Variants in PRRG1 observed in about 807,000 individuals in gnomAD.
PRRG1 encodes proline rich and Gla domain 1, also known as transmembrane gamma-carboxyglutamic acid protein 1.
Under a neutral mutation model 11.8 loss-of-function variants are expected in PRRG1, and 5 were observed. The observed-to-expected ratio is 0.42, with a 90% CI of 0.22 to 0.89. The LOEUF is 0.89. PRRG1 is among the 40% of genes least tolerant of loss of function. The pLI, the probability that PRRG1 is intolerant of heterozygous loss-of-function variation, is 0.28. For synonymous variants in PRRG1, 66 were observed against 60.4 expected (o/e 1.09, Z -0.43); for missense variants, 155 against 166.1 (o/e 0.93, Z 0.37).
chrX:37,367,331 A>G (rs1318048933), intron 1 of PRRG1, among the ~76,000 whole-genome samples: 1 of 112,153 alleles, frequency 8.9e-6, no homozygotes, highest in Non-Finnish European at 1.9e-5. Flanking sequence ...TTTAGTTCAA[A>G]ATTTTGTCTA....
At chrX:37,416,992 ATAGT>A (rs782784949) in intron 2 of PRRG1, among the ~76,000 whole-genome samples, 1 of 111,515 alleles carries the variant, frequency 9.0e-6, no homozygotes, top group Admixed American at 9.5e-5. Flanking sequence ...CCATATTGAG[ATAGT>A]TAGTGTCACT....
At chrX:37,398,595 C>T (rs987483294) in intron 1 of PRRG1, among the ~76,000 whole-genome samples, 1 of 112,550 alleles carries the variant, frequency 8.9e-6, no homozygotes, top group Non-Finnish European at 1.9e-5. Flanking sequence ...CAAAGGAACG[C>T]AGTTCCTCAC....
chrX:37,452,650 CAG>C (rs1446098424), intron 3 of PRRG1, among the ~76,000 whole-genome samples: 18 of 111,776 alleles, frequency 1.6e-4, no homozygotes, highest in Middle Eastern at 9.2e-3. Flanking sequence ...GAACCCCAAA[CAG>C]AACCATTAGA....
In PRRG1 at chrX:37,453,891, G is replaced by GC; in HGVS notation, c.*270_*271insC. On this transcript the variant is annotated 3_prime_UTR_variant, in exon 4 of 4. Transcript: ENST00000378628. Reference sequence around the variant, plus strand: ...GAGACATACATGTAAGTGTATATATGTGTGTATAGGCATATATACGTGTGT... The same window carrying GC: ...GAGACATACATGTAAGTGTATATATGCTGTGTATAGGCATATATACGTGTGT... 1 of 256,760 alleles carries GC rather than the reference G, an allele frequency of 3.9e-6. No individual in the cohort carries two copies. Among genetic ancestry groups the GC allele is most frequent in the Non-Finnish European group, 6.8e-6 (1 of 146,191 alleles). 21.2% of individuals were successfully genotyped at this position (256,760 alleles called of 1,213,427 possible). A position where few individuals can be genotyped will look rare whatever the true frequency, so the allele number is the denominator to read the frequency against.
intron 3 of PRRG1, chrX:37,441,684 C>A: frequency 1.3e-6 from 1 of 799,376 alleles, no homozygotes. Context: ...ACTTTAGCCG[C>A]TACTTCCTGC....
In PRRG1 at chrX:37,453,365, C is replaced by G. The variant is rs782391292; in HGVS notation, c.401C>G (p.Pro134Arg). 1.7e-5 allele frequency: 21 copies of G among 1,206,725 alleles called. No homozygotes were observed. Among genetic ancestry groups the G allele is most frequent in the Non-Finnish European group, 2.1e-5 (19 of 893,938 alleles). ...QHLNIITPPP[P>R]PDEVFDSSGL... ...CTTAATATTATCACCCCACCCCCCC[C>G]ACCAGATGAAGTGTTTGACAGCAGT... The change falls in exon 4 of 4, where the codon CCA becomes CGA. Residue 134 changes from proline to arginine, a missense_variant. Physicochemically the swap from Pro to Arg is moderately radical, Grantham distance 103. Coordinates refer to ENST00000378628, the MANE Select transcript of PRRG1 (RefSeq NM_001142395.2).
chrX:37,388,173 C>T (rs1175724703), intron 1 of PRRG1, among the ~76,000 whole-genome samples: 2 of 112,146 alleles, frequency 1.8e-5, no homozygotes, highest in Non-Finnish European at 3.8e-5. Context: ...GGTTCAGCAC[C>T]CTTGGCTGCT....
intron 2 of PRRG1, among the ~76,000 whole-genome samples, chrX:37,411,346 T>C (rs1932346568): frequency 9.0e-6 from 1 of 111,514 alleles, no homozygotes; most frequent in African/African-American, 3.3e-5. Flanking sequence ...CAGATGACTG[T>C]TCTAGGATAT....
intron 1 of PRRG1, among the ~76,000 whole-genome samples, chrX:37,383,044 T>C (rs782253541): frequency 8.9e-6 from 1 of 111,834 alleles, no homozygotes; most frequent in South Asian, 3.7e-4. Context: ...TTAGATTTTC[T>C]TTACCTATGT....
chrX:37,394,116 C>T (rs1931637730), intron 1 of PRRG1, among the ~76,000 whole-genome samples: 1 of 112,285 alleles, frequency 8.9e-6, no homozygotes, highest in East Asian at 2.8e-4. Flanking sequence ...GTACCTATCT[C>T]ATAGAGTTGT....
At chrX:37,380,258 C>G (rs782352727) in intron 1 of PRRG1, among the ~76,000 whole-genome samples, 107 of 111,544 alleles carry the variant, frequency 9.6e-4, no homozygotes, top group Non-Finnish European at 1.6e-3. Context: ...GTCTTAGAAC[C>G]TCTGATTCAT....
At position 37,393,260 on chromosome X, in the gene PRRG1, A is replaced by G. The variant is rs191413130; in HGVS notation, c.-41-12949A>G. On this transcript the variant is annotated intron_variant, in intron 1 of 3. Coordinates refer to ENST00000378628, the MANE Select transcript of PRRG1 (RefSeq NM_001142395.2). The stretch of plus-strand genomic sequence containing the variant: ...CATTCATTTTTTAAAGTATTTAATA[A>G]TATACTTTTATAATGTATTTTATAT... Among the ~76,000 whole-genome samples, 848 of 108,749 alleles carry G rather than the reference A, an allele frequency of 7.8e-3. 1 individual carries two copies. The highest frequency in any genetic ancestry group is 0.012 in the Non-Finnish European group (643 of 52,632). The allele number at this position is 108,749 out of a possible 115,157, so 94.4% of individuals were successfully genotyped here.
At chrX:37,452,981 C>G (rs1469013605) in intron 3 of PRRG1, among the ~76,000 whole-genome samples, 155 bp from the exon 4 acceptor site, 5 of 112,011 alleles carry the variant, frequency 4.5e-5, no homozygotes, top group Non-Finnish European at 9.4e-5. Flanking sequence ...AATTTCTTGT[C>G]ACATGGAAAA....
In PRRG1 at chrX:37,377,013, G is replaced by T. The variant is rs1448615186; in HGVS notation, c.-42+27618G>T. Among the ~76,000 whole-genome samples, 3 of 110,580 alleles carry T rather than the reference G, an allele frequency of 2.7e-5. No homozygotes were observed. The South Asian group carries it at 1.1e-3, about 42-fold the overall frequency. On this transcript the variant is annotated intron_variant, in intron 1 of 3. Coordinates refer to ENST00000378628, the MANE Select transcript of PRRG1 (RefSeq NM_001142395.2). Reference sequence around the variant, plus strand: ...ATACTAGTTGAATCTATTAATTAGGGATTCACCATAAATTTCTCGCCACTA... The same window carrying T: ...ATACTAGTTGAATCTATTAATTAGGTATTCACCATAAATTTCTCGCCACTA...
At chrX:37,385,118 A>G (rs782034241) in intron 1 of PRRG1, among the ~76,000 whole-genome samples, 22 of 112,263 alleles carry the variant, frequency 2.0e-4, no homozygotes, top group Middle Eastern at 9.1e-3. Context: ...GAATAAATAA[A>G]TGGGGATATA....
intron 1 of PRRG1, among the ~76,000 whole-genome samples, chrX:37,381,358 T>C (rs782363759): frequency 2.0e-4 from 22 of 112,314 alleles, no homozygotes; most frequent in African/African-American, 6.8e-4. Context: ...AATTATGGCA[T>C]TAAATGTGTT....
At chrX:37,433,653 G>C (rs1932855507) in intron 3 of PRRG1, among the ~76,000 whole-genome samples, 1 of 110,505 alleles carries the variant, frequency 9.0e-6, no homozygotes, top group African/African-American at 3.3e-5. Context: ...TTTGTTCATA[G>C]CTATGGTCCC....
intron 1 of PRRG1, among the ~76,000 whole-genome samples, chrX:37,353,708 A>G (rs1930142747): frequency 8.9e-6 from 1 of 112,415 alleles, no homozygotes; most frequent in South Asian, 3.7e-4. Context: ...TTGCCTGTTC[A>G]GTACAGTAAC....
chrX:37,357,171 T>C lies in PRRG1; in HGVS notation c.-42+7776T>C, dbSNP rs781851326. Among the ~76,000 whole-genome samples, 34 of 111,569 alleles carry C rather than the reference T, an allele frequency of 3.0e-4. No individual in the cohort carries two copies. In the South Asian group the frequency reaches 0.013, roughly 41 times the overall value. ...TAGTTGGAATTATAAAGTATGCGGCTTTTTCATATTGGTTTCTTTCACCTA... is the reference window on the plus strand; with the variant it reads ...TAGTTGGAATTATAAAGTATGCGGCCTTTTCATATTGGTTTCTTTCACCTA... On this transcript the variant is annotated intron_variant, in intron 1 of 3. Coordinates refer to ENST00000378628, the MANE Select transcript of PRRG1 (RefSeq NM_001142395.2).
Sources: allele counts gnomAD v4.1 joint callset (sites outside exome capture counted in the v4.1 genomes callset), GRCh38; gene constraint gnomAD v4.1.1; transcripts MANE v1.5; gene names NCBI Gene and HGNC (gene_info 2026-07-23, HGNC 2026-07-21).